PCDHGA4: variants seen among roughly 807,000 people sequenced by gnomAD.
The protein encoded by PCDHGA4 is protocadherin gamma-A4.
PCDHGA4 carries 38 observed loss-of-function variants against 54.6 expected under a neutral mutation model. That is an observed-to-expected ratio of 0.70 (90% CI 0.54 to 0.91). The LOEUF (loss-of-function observed/expected upper bound fraction) is 0.91, where lower values mean the gene tolerates loss of function less well. Among genes scored for constraint, PCDHGA4 ranks in the 40% least tolerant of loss-of-function variants. The probability of loss-of-function intolerance (pLI) is 0.00; values close to 1 mark genes in which losing one functional copy is unlikely to be tolerated. For synonymous variants in PCDHGA4, 511 were observed against 512.9 expected (o/e 1.00, Z 0.05); for missense variants, 1,298 against 1,220.9 (o/e 1.06, Z -0.94).
chr5:141,428,043 A>G, intron 1 of PCDHGA4: 1 of 1,608,722 alleles, frequency 6.2e-7, no homozygotes, highest in Non-Finnish European at 8.5e-7. Flanking sequence ...CTACCTGGTG[A>G]CCAAGGTGGT....
In PCDHGA4 at chr5:141,503,993, C is replaced by T. The variant is rs376134059; in HGVS notation, c.2574-1400C>T. Reference sequence around the variant, plus strand: ...GTGCCAAACCCTTCTTCTTACCTTACAGTCACTTAACTGTCTCTGCTGGTC... The same window carrying T: ...GTGCCAAACCCTTCTTCTTACCTTATAGTCACTTAACTGTCTCTGCTGGTC... On this transcript the variant is annotated intron_variant, in intron 2 of 3. Transcript: ENST00000571252. Among the ~76,000 whole-genome samples, 13 of 152,312 alleles carry T rather than the reference C, an allele frequency of 8.5e-5. 1 individual carries two copies. In the East Asian group the frequency reaches 1.7e-3, roughly 20 times the overall value.
intron 1 of PCDHGA4, chr5:141,367,494 G>T (rs1765172708): frequency 6.6e-6 from 1 of 151,970 alleles, no homozygotes; most frequent in African/African-American, 2.4e-5. Context: ...CCGAGATCGC[G>T]CCACTGCACT....
chr5:141,505,317 G>A, intron 2 of PCDHGA4, 76 bp from the exon 3 acceptor site: 1 of 1,603,092 alleles, frequency 6.2e-7, no homozygotes, highest in Non-Finnish European at 8.5e-7. Flanking sequence ...AGGTTTGGGA[G>A]CCCTGGGAGA....
rs764482722 is a variant in PCDHGA4 at position 141,432,066 on chromosome 5, C to T, written c.2515-62741C>T. 62 of 1,614,062 alleles carry T rather than the reference C, an allele frequency of 3.8e-5. No individual in the cohort carries two copies. The highest frequency in any genetic ancestry group is 5.2e-5 in the Non-Finnish European group (61 of 1,180,046). On this transcript the variant is annotated intron_variant, in intron 1 of 3. Coordinates refer to ENST00000571252, the MANE Select transcript of PCDHGA4 (RefSeq NM_018917.4). The surrounding 1 kb of genome is among the most constrained non-coding windows in gnomAD (Gnocchi z 6.0). ...GGAACCCCGCCCCTATCCACGGAAA[C>T]TCATATCTCGCTGAACGTGGCAGAC...
intron 1 of PCDHGA4, chr5:141,371,686 C>G: frequency 6.2e-7 from 1 of 1,614,028 alleles, no homozygotes; most frequent in East Asian, 2.2e-5. Context: ...GGCAATCCAC[C>G]GCTCTCCTCC....
chr5:141,507,601 A>G (rs2099861935), intron 3 of PCDHGA4, among the ~76,000 whole-genome samples: 1 of 152,254 alleles, frequency 6.6e-6, no homozygotes, highest in South Asian at 2.1e-4. Flanking sequence ...TGAGGGAAAT[A>G]AACAGGTATA....
At chr5:141,405,363 C>A (rs765508317) in intron 1 of PCDHGA4, 3 of 1,613,808 alleles carry the variant, frequency 1.9e-6, no homozygotes, top group South Asian at 1.1e-5. Context: ...ATAGAAGACA[C>A]CCCTTTGGTT....
intron 1 of PCDHGA4, chr5:141,362,282 G>T (rs750712376): frequency 1.2e-6 from 2 of 1,613,920 alleles, no homozygotes; most frequent in Non-Finnish European, 1.7e-6. Flanking sequence ...CTGCGCCTGC[G>T]ACTCTCTTCC....
At chr5:141,450,730 G>A (rs1046738914) in intron 1 of PCDHGA4, among the ~76,000 whole-genome samples, 10 of 152,024 alleles carry the variant, frequency 6.6e-5, no homozygotes, top group Non-Finnish European at 1.2e-4. Flanking sequence ...CAGGTGATCC[G>A]CCCGCCTTGG....
intron 1 of PCDHGA4, among the ~76,000 whole-genome samples, chr5:141,480,106 A>C (rs1466691134): frequency 6.6e-6 from 1 of 152,196 alleles, no homozygotes; most frequent in Non-Finnish European, 1.5e-5. Context: ...AGTGTTTAGC[A>C]TGGTGCCTGG....
chr5:141,386,521 A>AG (rs1458324675), intron 1 of PCDHGA4, among the ~76,000 whole-genome samples: 1 of 232 alleles, frequency 4.3e-3, no homozygotes, highest in Non-Finnish European at 0.011. Context: ...TCAAAAAAAG[A>AG]CTCTTTTTAG....
intron 1 of PCDHGA4, chr5:141,478,647 T>G (rs2099469515): frequency 6.4e-7 from 1 of 1,552,152 alleles, no homozygotes; most frequent in Non-Finnish European, 8.7e-7. Flanking sequence ...GAAGATGTTT[T>G]CCTGGTGATG....
intron 1 of PCDHGA4, chr5:141,414,828 G>A (rs780047810): frequency 1.4e-5 from 22 of 1,614,092 alleles, no homozygotes; most frequent in Non-Finnish European, 1.8e-5. Flanking sequence ...GCAACGTGTC[G>A]TTGAGCCTGT....
intron 1 of PCDHGA4, chr5:141,370,472 C>G: frequency 1.2e-6 from 2 of 1,613,450 alleles, no homozygotes; most frequent in Non-Finnish European, 1.7e-6. Context: ...CTTTGTTAGA[C>G]CAGGCTCTCT....
At position 141,490,258 on chromosome 5, in the gene PCDHGA4, G is replaced by A. The variant is rs776865457; in HGVS notation, c.2515-4549G>A. Reference sequence around the variant, plus strand: ...GGGCCACTGTGTGATTCAAGTGGATGTGGGGGATGTCAATGACAATGCCCC... The same window carrying A: ...GGGCCACTGTGTGATTCAAGTGGATATGGGGGATGTCAATGACAATGCCCC... On this transcript the variant is annotated intron_variant, in intron 1 of 3. Transcript: ENST00000571252. The surrounding 1 kb of genome is among the most constrained non-coding windows in gnomAD (Gnocchi z 5.4). 6.2e-7 allele frequency: 1 copy of A among 1,614,136 alleles called. No homozygotes were observed.
At chr5:141,408,615 T>A in intron 1 of PCDHGA4, 1 of 1,613,940 alleles carries the variant, frequency 6.2e-7, no homozygotes, top group Non-Finnish European at 8.5e-7. Flanking sequence ...AAAAAGGAAA[T>A]ACATTTAGAA....
rs1760674283 is a variant in PCDHGA4 at position 141,357,609 on chromosome 5, C to T, written c.2502C>T (p.Asp834=). 1 of 1,613,778 alleles carries T rather than the reference C, an allele frequency of 6.2e-7. No homozygotes were observed. Among genetic ancestry groups the T allele is most frequent in the Non-Finnish European group, 8.5e-7 (1 of 1,179,880 alleles). The change falls in exon 1 of 4, where the codon GAC becomes GAT. Residue 834 remains aspartate, a synonymous_variant. Coordinates refer to ENST00000571252, the MANE Select transcript of PCDHGA4 (RefSeq NM_018917.4). ...AGGATTTACTTGAAACAAAAGGAGA[C>T]CCTAATCTTCAGGTGAGTCAATCTT... ...ITQDLLETKG[D]PNLQQAPPNT...
At chr5:141,385,118 T>C in intron 1 of PCDHGA4, 1 of 1,614,216 alleles carries the variant, frequency 6.2e-7, no homozygotes. Context: ...ACCTCGCACT[T>C]TGTGGGCATG....
intron 1 of PCDHGA4, 197 bp downstream of exon 1, chr5:141,357,818 C>A (rs569420101): frequency 1.4e-6 from 1 of 707,926 alleles, no homozygotes; most frequent in Non-Finnish European, 2.3e-6. Context: ...ATTACTTATC[C>A]TTTTTGGTCT....
Sources: gnomAD v4.1 joint callset for allele counts (sites outside exome capture counted in the v4.1 genomes callset) on GRCh38, gnomAD v4.1.1 for gene constraint, Gnocchi (gnomAD v3.1) non-coding constraint, MANE v1.5 for transcripts, NCBI Gene and HGNC (gene_info 2026-07-23, HGNC 2026-07-21) for gene names.